ARHGAP10: variants seen among roughly 807,000 people sequenced by gnomAD.
The protein encoded by ARHGAP10 is Rho GTPase activating protein 10.
In ARHGAP10, 87 loss-of-function variants were observed where a neutral mutation model predicts 108.6. The observed-to-expected ratio is 0.80, with a 90% CI of 0.67 to 0.96. The LOEUF (loss-of-function observed/expected upper bound fraction) is 0.96, where lower values mean the gene tolerates loss of function less well. ARHGAP10 is among the 40% of genes least tolerant of loss of function. The pLI is 0.00. For missense variants in ARHGAP10, 939 were observed against 954.5 expected (o/e 0.98, Z 0.21); for synonymous variants, 347 against 341.1 (o/e 1.02, Z -0.19).
intron 1 of ARHGAP10, among the ~76,000 whole-genome samples, chr4:147,780,938 C>T (rs146369976): frequency 1.0e-3 from 153 of 152,224 alleles, no homozygotes; most frequent in African/African-American, 3.2e-3. Context: ...CTCCACCTCC[C>T]ACTTTTGGGA....
chr4:147,889,888 G>T (rs1735725456), intron 10 of ARHGAP10, among the ~76,000 whole-genome samples: 3 of 152,162 alleles, frequency 2.0e-5, no homozygotes, highest in Admixed American at 2.0e-4. Flanking sequence ...AAACAAAATG[G>T]CTTAAACGGG....
At chr4:147,996,715 C>A (rs1406154681) in intron 18 of ARHGAP10, among the ~76,000 whole-genome samples, 1 of 152,162 alleles carries the variant, frequency 6.6e-6, no homozygotes, top group Non-Finnish European at 1.5e-5. Context: ...TATGTTGAAG[C>A]CCTAACTTTA....
Position 148,072,121 on chromosome 4 carries a change from G to C in ARHGAP10, c.*40G>C. ...GCCCCTGCTGACCCTGGCACCCAGG[G>C]ACCTGCCTGGGGGCAGAGAGCTGTC... On this transcript the variant is annotated 3_prime_UTR_variant, in exon 23 of 23. Coordinates refer to ENST00000336498, the MANE Select transcript of ARHGAP10 (RefSeq NM_024605.4). The C allele has an allele frequency of 6.4e-7, 1 of 1,568,464 alleles. No homozygotes were observed. Among genetic ancestry groups the C allele is most frequent in the African/African-American group, 1.4e-5 (1 of 73,374 alleles).
chr4:147,890,769 G>A (rs928087445), intron 10 of ARHGAP10, among the ~76,000 whole-genome samples: 1 of 152,310 alleles, frequency 6.6e-6, no homozygotes, highest in African/African-American at 2.4e-5. Context: ...GGAGGTTGCA[G>A]TGAGCTGAGA....
Position 147,780,415 on chromosome 4 carries a change from T to C in ARHGAP10, c.155-42312T>C, listed in dbSNP as rs80155417. On this transcript the variant is annotated intron_variant, in intron 1 of 22. Transcript: ENST00000336498. ...TAGCCCCGCTAAGGGTGAAACAAAATGGTACCATAGTGGAGGAGGGAGCCC... is the reference window on the plus strand; with the variant it reads ...TAGCCCCGCTAAGGGTGAAACAAAACGGTACCATAGTGGAGGAGGGAGCCC... Among the ~76,000 whole-genome samples, 7 of 151,978 alleles carry C rather than the reference T, an allele frequency of 4.6e-5. No individual in the cohort carries two copies. The East Asian group carries it at 1.4e-3, about 29-fold the overall frequency.
intron 1 of ARHGAP10, among the ~76,000 whole-genome samples, chr4:147,774,303 G>A (rs1255465480): frequency 1.3e-5 from 2 of 152,122 alleles, no homozygotes; most frequent in Admixed American, 6.6e-5. Flanking sequence ...CAAAATCTAA[G>A]ATTCCCCAGG....
At chr4:147,847,763 G>T (rs1036266984) in intron 4 of ARHGAP10, among the ~76,000 whole-genome samples, 2 of 152,196 alleles carry the variant, frequency 1.3e-5, no homozygotes, top group Non-Finnish European at 2.9e-5. Flanking sequence ...GGATTCAAAG[G>T]TGAGTGAACC....
intron 20 of ARHGAP10, among the ~76,000 whole-genome samples, chr4:148,058,010 CGGTGTGCTCGTGGG>C (rs914866337): frequency 6.6e-5 from 10 of 152,218 alleles, no homozygotes; most frequent in Admixed American, 6.5e-4. Context: ...TGTTGTCCCT[CGGTGTGCTCGTGGG>C]GAGCCAAACA....
At chr4:147,761,433 T>C (rs975089616) in intron 1 of ARHGAP10, among the ~76,000 whole-genome samples, 87 of 152,370 alleles carry the variant, frequency 5.7e-4, no homozygotes, top group African/African-American at 2.0e-3. Context: ...GTTTCACATT[T>C]GTATGTGGCT....
rs1157109784 is a variant in ARHGAP10, at chr4:147,798,722, ACACTCTCTCTCT to A, written c.155-24003_155-23992del. ...CATTACGTGAGGTCAGGAGTTTGAG[ACACTCTCTCTCT>A]CTCTCTCTCTCTCTCTCTCTCTCTC... On this transcript the variant is annotated intron_variant, in intron 1 of 22. Coordinates refer to ENST00000336498, the MANE Select transcript of ARHGAP10 (RefSeq NM_024605.4). Among the ~76,000 whole-genome samples the A allele has an allele frequency of 2.0e-3, 216 of 107,360 alleles. 21 individuals are homozygous for A. The highest frequency in any genetic ancestry group is 0.01 in the African/African-American group (191 of 18,708). The allele number at this position is 107,360 out of a possible 152,430, so 70.4% of individuals were successfully genotyped here.
intron 18 of ARHGAP10, among the ~76,000 whole-genome samples, chr4:148,006,554 A>G (rs576635872): frequency 6.6e-6 from 1 of 152,184 alleles, no homozygotes; most frequent in East Asian, 1.9e-4. Context: ...GAGCTCTTTC[A>G]TCAACATACA....
At chr4:148,059,375 C>G (rs1729501217) in intron 20 of ARHGAP10, among the ~76,000 whole-genome samples, 1 of 152,060 alleles carries the variant, frequency 6.6e-6, no homozygotes, top group Non-Finnish European at 1.5e-5. Context: ...TGGTCAGTAG[C>G]TTGGCATTAA....
At chr4:147,734,395 C>T (rs751924968) in intron 1 of ARHGAP10, among the ~76,000 whole-genome samples, 2 of 152,150 alleles carry the variant, frequency 1.3e-5, no homozygotes, top group Non-Finnish European at 2.9e-5. Flanking sequence ...TTTTGATTCT[C>T]GTCCTTTAGC....
At chr4:147,832,236 A>G (rs1732980249) in intron 3 of ARHGAP10, among the ~76,000 whole-genome samples, 1 of 152,180 alleles carries the variant, frequency 6.6e-6, no homozygotes, top group East Asian at 1.9e-4. Flanking sequence ...GGATGAGCCA[A>G]GGTACCTAGG....
chr4:148,011,545 A>G (rs1276946544), intron 18 of ARHGAP10, among the ~76,000 whole-genome samples: 2 of 152,178 alleles, frequency 1.3e-5, no homozygotes, highest in East Asian at 3.8e-4. Context: ...CAAGCTAGAG[A>G]CTGTAGGGCC....
intron 7 of ARHGAP10, among the ~76,000 whole-genome samples, chr4:147,867,397 C>T (rs920789393): frequency 6.6e-6 from 1 of 152,088 alleles, no homozygotes; most frequent in African/African-American, 2.4e-5. Context: ...GCTAGTTGAT[C>T]CTGGAAGCGT....
intron 22 of ARHGAP10, among the ~76,000 whole-genome samples, chr4:148,071,579 G>A (rs1462147055): frequency 6.6e-6 from 1 of 152,132 alleles, no homozygotes; most frequent in Non-Finnish European, 1.5e-5. Context: ...TCGCGCCACC[G>A]CACTCCAGCC....
intron 7 of ARHGAP10, among the ~76,000 whole-genome samples, chr4:147,870,928 C>CTA (rs980899526): frequency 4.3e-5 from 6 of 139,056 alleles, no homozygotes; most frequent in African/African-American, 1.6e-4. Context: ...AAACTACAGA[C>CTA]TGTGTGTGTG....
At chr4:147,858,653 G>T (rs1354028955) in intron 5 of ARHGAP10, among the ~76,000 whole-genome samples, 1 of 152,144 alleles carries the variant, frequency 6.6e-6, no homozygotes, top group Non-Finnish European at 1.5e-5. Context: ...GTAGGGCTCT[G>T]TTCTCTCCTT....
Sources: allele counts gnomAD v4.1 joint callset (sites outside exome capture counted in the v4.1 genomes callset), GRCh38; gene constraint gnomAD v4.1.1; transcripts MANE v1.5; gene names NCBI Gene and HGNC (gene_info 2026-07-23, HGNC 2026-07-21).